The following VKORC1L1 variants were observed in gnomAD, a reference collection of about 807,000 sequenced individuals.
VKORC1L1 encodes vitamin K epoxide reductase complex subunit 1-like protein 1.
In VKORC1L1, 2 loss-of-function variants were observed where a neutral mutation model predicts 18.9. That is an observed-to-expected ratio of 0.11 (90% CI 0.04 to 0.33). The LOEUF (loss-of-function observed/expected upper bound fraction) is 0.33, where lower values mean the gene tolerates loss of function less well. VKORC1L1 is among the 10% of genes least tolerant of loss of function. The probability of loss-of-function intolerance (pLI) is 1.00; values close to 1 mark genes in which losing one functional copy is unlikely to be tolerated. For missense variants in VKORC1L1, 123 were observed against 224.1 expected (o/e 0.55, Z 2.88); for synonymous variants, 96 against 100.0 (o/e 0.96, Z 0.24).
chr7:65,935,527 C>A (rs567664871), intron 1 of VKORC1L1, among the ~76,000 whole-genome samples: 2 of 152,140 alleles, frequency 1.3e-5, no homozygotes, highest in East Asian at 1.9e-4. Context: ...CCAGGATGAT[C>A]TTCGATCTCC....
At chr7:65,886,839 GTTTTTTTTTTT>G (rs56234924) in intron 1 of VKORC1L1, among the ~76,000 whole-genome samples, 1 of 58,626 alleles carries the variant, frequency 1.7e-5, no homozygotes, top group East Asian at 6.9e-4. Context: ...GCCTGTCCGA[GTTTTTTTTTTT>G]TTTTTTTTTT....
At chr7:65,899,747 C>A (rs948518181) in intron 1 of VKORC1L1, among the ~76,000 whole-genome samples, 29 of 152,274 alleles carry the variant, frequency 1.9e-4, no homozygotes, top group Admixed American at 1.8e-3. Flanking sequence ...CGCCTGTAAT[C>A]CCAGCACTTT....
chr7:65,877,274 C>G (rs1788845523), intron 1 of VKORC1L1, among the ~76,000 whole-genome samples: 1 of 151,802 alleles, frequency 6.6e-6, no homozygotes, highest in Non-Finnish European at 1.5e-5. Context: ...TTATTGCTGA[C>G]TTTATAGCAT....
chr7:65,947,414 GTTT>G (rs58878681), intron 1 of VKORC1L1, among the ~76,000 whole-genome samples: 1 of 130,834 alleles, frequency 7.6e-6, no homozygotes. Flanking sequence ...ACCATAACTG[GTTT>G]TTTTTTTTTT....
At chr7:65,912,921 G>T (rs1260098833) in intron 1 of VKORC1L1, among the ~76,000 whole-genome samples, 1 of 152,062 alleles carries the variant, frequency 6.6e-6, no homozygotes, top group Non-Finnish European at 1.5e-5. Flanking sequence ...TTTCATCATG[G>T]ACTAGTAAAC....
upstream of VKORC1L1, among the ~76,000 whole-genome samples, chr7:65,872,978 C>A (rs1583815026): frequency 1.4e-5 from 2 of 139,962 alleles, no homozygotes; most frequent in South Asian, 5.0e-4. Flanking sequence ...CTCCCCACCC[C>A]TGCCCCGCCC....
chr7:65,899,601 A>G (rs10950021), intron 1 of VKORC1L1, among the ~76,000 whole-genome samples: 48,799 of 152,054 alleles, frequency 0.32, 8,875 homozygotes, highest in East Asian at 0.46. Context: ...AGAGGGAGAA[A>G]GGCAGGCTCT....
At position 65,954,842 on chromosome 7, in the gene VKORC1L1, G is replaced by C; in HGVS notation, c.*542G>C. The C allele has an allele frequency of 6.3e-6, 1 of 158,182 alleles. No homozygotes were observed. Among genetic ancestry groups the C allele is most frequent in the Non-Finnish European group, 1.4e-5 (1 of 71,316 alleles). The allele number at this position is 158,182 out of a possible 1,614,324, so 9.8% of individuals were successfully genotyped here. On this transcript the variant is annotated 3_prime_UTR_variant, in exon 3 of 3. Transcript: ENST00000360768. ...CCATTTCTGCAGAACTTACTGTACA[G>C]TTTAGTTGGAGTGTAGCACTGAAGA...
chr7:65,891,533 A>T (rs1789111319), intron 1 of VKORC1L1, among the ~76,000 whole-genome samples: 1 of 152,124 alleles, frequency 6.6e-6, no homozygotes, highest in Admixed American at 6.6e-5. Flanking sequence ...TGTATAAGGG[A>T]TAAATGTATT....
rs73370685 is a variant in VKORC1L1 at position 65,930,709 on chromosome 7, C to T, written c.195-17962C>T. On this transcript the variant is annotated intron_variant, in intron 1 of 2. Transcript: ENST00000360768. ...TATTCCTTCTTTTCTGATCTGTATG[C>T]CTTTGATTTTTTTTTCTTCCTTTAT... Among the ~76,000 whole-genome samples, 1,302 of 151,934 alleles carry T rather than the reference C, an allele frequency of 8.6e-3. 20 individuals carry two copies. The highest frequency in any genetic ancestry group is 0.03 in the African/African-American group (1,234 of 41,418).
chr7:65,872,472 C>T (rs1332988056), upstream of VKORC1L1, among the ~76,000 whole-genome samples: 1 of 151,856 alleles, frequency 6.6e-6, no homozygotes, highest in African/African-American at 2.4e-5. Context: ...ACCACGACAC[C>T]GGGCTAATTT....
chr7:65,946,237 C>T (rs1425408337), intron 1 of VKORC1L1, among the ~76,000 whole-genome samples: 2 of 147,202 alleles, frequency 1.4e-5, no homozygotes, highest in African/African-American at 5.0e-5. Context: ...CCTTGGCACA[C>T]CCACAGCTCA....
intron 1 of VKORC1L1, among the ~76,000 whole-genome samples, chr7:65,945,706 G>A (rs1008547796): frequency 6.6e-6 from 1 of 152,024 alleles, no homozygotes; most frequent in African/African-American, 2.4e-5. Context: ...GAACATCTCT[G>A]TATTAGAAGG....
chr7:65,897,858 C>T (rs1189732643), intron 1 of VKORC1L1, among the ~76,000 whole-genome samples: 4 of 152,062 alleles, frequency 2.6e-5, no homozygotes, highest in Non-Finnish European at 5.9e-5. Context: ...ACACATCACA[C>T]AATCACACAT....
At chr7:65,909,873 A>G (rs946574350) in intron 1 of VKORC1L1, among the ~76,000 whole-genome samples, 1 of 152,014 alleles carries the variant, frequency 6.6e-6, no homozygotes, top group Admixed American at 6.6e-5. Context: ...ATGTGCCACC[A>G]TGCCCGGCTA....
At chr7:65,890,080 G>C (rs532797565) in intron 1 of VKORC1L1, among the ~76,000 whole-genome samples, 18 of 150,266 alleles carry the variant, frequency 1.2e-4, no homozygotes, top group Non-Finnish European at 2.4e-4. Context: ...GCCTCAGCCT[G>C]CCAAGTAGCT....
At chr7:65,944,825 GA>G (rs1790090777) in intron 1 of VKORC1L1, among the ~76,000 whole-genome samples, 1 of 150,612 alleles carries the variant, frequency 6.6e-6, no homozygotes, top group Non-Finnish European at 1.5e-5. Context: ...GCTGAGGAGG[GA>G]AAATTGCTTG....
intron 1 of VKORC1L1, among the ~76,000 whole-genome samples, chr7:65,873,931 G>A (rs1788779169): frequency 6.6e-6 from 1 of 152,094 alleles, no homozygotes; most frequent in African/African-American, 2.4e-5. Flanking sequence ...CAGGTTTCCT[G>A]GTTCTCGGGA....
intron 1 of VKORC1L1, among the ~76,000 whole-genome samples, chr7:65,877,606 C>T (rs778375532): frequency 3.3e-5 from 5 of 152,084 alleles, no homozygotes; most frequent in Admixed American, 3.3e-4. Flanking sequence ...CCTCAGCCTC[C>T]GAAAGTGCTG....
Sources: gnomAD v4.1 joint callset for allele counts (sites outside exome capture counted in the v4.1 genomes callset) on GRCh38, gnomAD v4.1.1 for gene constraint, MANE v1.5 for transcripts, NCBI Gene and HGNC (gene_info 2026-07-23, HGNC 2026-07-21) for gene names.